CXXC5: variants seen among roughly 807,000 people sequenced by gnomAD.
CXXC5 encodes the protein CXXC-type zinc finger protein 5.
Under a neutral mutation model 17.6 loss-of-function variants are expected in CXXC5, and 2 were observed. The observed-to-expected ratio is 0.11, with a 90% CI of 0.05 to 0.36. The LOEUF (loss-of-function observed/expected upper bound fraction) is 0.36. Ranked by LOEUF, CXXC5 falls within the 10% of genes least tolerant of loss-of-function variation. The probability of loss-of-function intolerance (pLI) is 1.00; values close to 1 mark genes in which losing one functional copy is unlikely to be tolerated. For missense variants in CXXC5, 343 were observed against 458.3 expected, an observed-to-expected ratio of 0.75 and a Z score of 2.30; for synonymous variants, 171 against 193.0, an observed-to-expected ratio of 0.89 and a Z score of 0.94.
chr5:139,671,592 C>T (rs988147122), intron 1 of CXXC5, among the ~76,000 whole-genome samples: 2 of 152,234 alleles, frequency 1.3e-5, no homozygotes, highest in Non-Finnish European at 2.9e-5. Context: ...AGGCCGGAGC[C>T]GGTTTCCGTC....
chr5:139,650,430 C>A (rs1755103098), intron 1 of CXXC5, among the ~76,000 whole-genome samples: 1 of 152,222 alleles, frequency 6.6e-6, no homozygotes. Context: ...TCTTTGGAAG[C>A]GTTGGGGAGG....
At chr5:139,674,533 C>T (rs746697214) in intron 1 of CXXC5, among the ~76,000 whole-genome samples, 1 of 152,176 alleles carries the variant, frequency 6.6e-6, no homozygotes, top group Non-Finnish European at 1.5e-5. Context: ...CCTGGGCAGG[C>T]AGAATGGCTG....
At chr5:139,652,195 T>G (rs868224820) in intron 1 of CXXC5, among the ~76,000 whole-genome samples, 8 of 147,590 alleles carry the variant, frequency 5.4e-5, no homozygotes, top group African/African-American at 1.9e-4. Context: ...TGTGTGTGTG[T>G]GGCTGTGTAT....
chr5:139,682,971 G>A lies in CXXC5; in HGVS notation c.*64G>A. 3 of 1,436,390 alleles carry A rather than the reference G, an allele frequency of 2.1e-6. No individual in the cohort carries two copies. The highest frequency in any genetic ancestry group is 1.4e-5 in the South Asian group (1 of 69,552). 89.0% of individuals were successfully genotyped at this position (1,436,390 alleles called of 1,614,324 possible). ...CACTGCTCGTGTGGTCTCCAGCAAG[G>A]GATTCGGGCGAAGACAAACGGATGC... On this transcript the variant is annotated 3_prime_UTR_variant, in exon 3 of 3. Transcript: ENST00000302517.
chr5:139,655,553 C>G (rs780928617), intron 1 of CXXC5, among the ~76,000 whole-genome samples: 3 of 151,976 alleles, frequency 2.0e-5, no homozygotes, highest in Non-Finnish European at 4.4e-5. Flanking sequence ...CCCTCCTGAC[C>G]TACCTCCCCA....
At position 139,681,363 on chromosome 5, in the gene CXXC5, T is replaced by C. The variant is rs1361162105; in HGVS notation, c.840T>C (p.Ser280=). The change falls in exon 2 of 3, where the codon AGT becomes AGC. Residue 280 remains serine, a synonymous_variant. Transcript: ENST00000302517. ...GCATCAACTGCGAGCAGTGCAGCAG[T>C]TGTAGGAATCGAAAGACTGGCCATC... is the stretch of plus-strand genomic sequence containing the variant. ...RRRINCEQCS[S]CRNRKTGHQI... The C allele has an allele frequency of 1.9e-6, 3 of 1,597,304 alleles. No individual in the cohort carries two copies. Among genetic ancestry groups the C allele is most frequent in the Non-Finnish European group, 2.6e-6 (3 of 1,170,510 alleles).
At chr5:139,649,403 C>G (rs1755041327) in intron 1 of CXXC5, 3 of 152,008 alleles carry the variant, frequency 2.0e-5, no homozygotes, top group Non-Finnish European at 4.4e-5. Flanking sequence ...CGCACTCCCC[C>G]CATCAGACCC....
chr5:139,658,670 G>T lies in CXXC5; in HGVS notation c.-161+9825G>T, dbSNP rs1755619151. On this transcript the variant is annotated intron_variant, in intron 1 of 2. Coordinates refer to ENST00000302517, the MANE Select transcript of CXXC5 (RefSeq NM_016463.9). The surrounding 1 kb of genome is among the most constrained non-coding windows in gnomAD (Gnocchi z 4.1). ...GCGTGAGGAGGAAATGCAGGCTGTT[G>T]CTTCCAGCAACAGCCGGCAGGGCCG... is the stretch of plus-strand genomic sequence containing the variant. Among the ~76,000 whole-genome samples the T allele has an allele frequency of 1.3e-5, 2 of 152,224 alleles. No individual in the cohort carries two copies. The highest frequency in any genetic ancestry group is 6.5e-5 in the Admixed American group (1 of 15,288).
At chr5:139,678,185 G>A (rs892546833) in intron 1 of CXXC5, among the ~76,000 whole-genome samples, 5 of 152,230 alleles carry the variant, frequency 3.3e-5, no homozygotes, top group Non-Finnish European at 7.3e-5. Flanking sequence ...GAGCTGACTT[G>A]ACGGTTTTTG....
chr5:139,679,025 G>GC (rs1218045406), intron 1 of CXXC5, among the ~76,000 whole-genome samples: 1 of 152,220 alleles, frequency 6.6e-6, no homozygotes, highest in Non-Finnish European at 1.5e-5. Flanking sequence ...AGCAGGCCCT[G>GC]CCCCGGGATG....
In CXXC5 at chr5:139,661,733, A is replaced by G. The variant is rs1018628172; in HGVS notation, c.-161+12888A>G. Among the ~76,000 whole-genome samples, 3 of 152,248 alleles carry G rather than the reference A, an allele frequency of 2.0e-5. No individual in the cohort carries two copies. Among genetic ancestry groups the G allele is most frequent in the African/African-American group, 2.4e-5 (1 of 41,472 alleles). On this transcript the variant is annotated intron_variant, in intron 1 of 2. Coordinates refer to ENST00000302517, the MANE Select transcript of CXXC5 (RefSeq NM_016463.9). The surrounding 1 kb of genome is among the most constrained non-coding windows in gnomAD (Gnocchi z 4.7). The stretch of plus-strand genomic sequence containing the variant: ...GCTGTGGTCAGGGCTCTGTTCCCCT[A>G]GACGCCCCGTGTTTAGGCTTACACG...
intron 1 of CXXC5, among the ~76,000 whole-genome samples, chr5:139,664,442 C>G (rs908133219): frequency 6.6e-6 from 1 of 152,140 alleles, no homozygotes; most frequent in African/African-American, 2.4e-5. Context: ...AGGGACATAG[C>G]CACAATGACC....
rs1756311327 is a variant in CXXC5 at position 139,669,260 on chromosome 5, CGTAATG to C, written c.-160-11103_-160-11098del. 2.6e-5 allele frequency among the ~76,000 whole-genome samples: 4 copies of C among 152,316 alleles called. No homozygotes were observed. The South Asian group carries it at 8.3e-4, about 32-fold the overall frequency. On this transcript the variant is annotated intron_variant, in intron 1 of 2. Transcript: ENST00000302517. ...CTCACACTCAGCTCTGCCCGCCTGC[CGTAATG>C]ATTTTTTAATTATGCAGCCAGTGCT...
In CXXC5 at chr5:139,661,362, C is replaced by A. The variant is rs1365905819; in HGVS notation, c.-161+12517C>A. Among the ~76,000 whole-genome samples the A allele has an allele frequency of 6.6e-6, 1 of 152,162 alleles. No individual in the cohort carries two copies. Among genetic ancestry groups the A allele is most frequent in the Non-Finnish European group, 1.5e-5 (1 of 68,012 alleles). On this transcript the variant is annotated intron_variant, in intron 1 of 2. Coordinates refer to ENST00000302517, the MANE Select transcript of CXXC5 (RefSeq NM_016463.9). This position sits in a 1 kb window ranked among gnomAD's most constrained non-coding sequence, Gnocchi z 4.7. ...CACACGCGGCACACCCAGGCACACA[C>A]TTAGGACAGACACAGTCACTTGCAG... is the stretch of plus-strand genomic sequence containing the variant.
intron 1 of CXXC5, among the ~76,000 whole-genome samples, chr5:139,671,523 C>G (rs570620741): frequency 6.6e-6 from 1 of 152,218 alleles, no homozygotes; most frequent in African/African-American, 2.4e-5. Context: ...CGGGTTGGGG[C>G]AGGCACAAAG....
intron 1 of CXXC5, among the ~76,000 whole-genome samples, chr5:139,655,039 A>G (rs1010667931): frequency 1.3e-5 from 2 of 152,180 alleles, no homozygotes; most frequent in Non-Finnish European, 2.9e-5. Flanking sequence ...CTCCTTCCCC[A>G]GGAGGTGCCG....
chr5:139,673,446 A>C (rs1420867152), intron 1 of CXXC5, among the ~76,000 whole-genome samples: 3 of 152,200 alleles, frequency 2.0e-5, no homozygotes, highest in Non-Finnish European at 2.9e-5. Context: ...CTCAGTCCCT[A>C]GAGCCCCAGG....
chr5:139,664,670 A>G (rs1756002455), intron 1 of CXXC5, among the ~76,000 whole-genome samples: 1 of 152,164 alleles, frequency 6.6e-6, no homozygotes, highest in Non-Finnish European at 1.5e-5. Context: ...CCCCGCAGAC[A>G]GACACACTTA....
rs984716196 is a variant in CXXC5 at position 139,661,761 on chromosome 5, A to C, written c.-161+12916A>C. Among the ~76,000 whole-genome samples, 1 of 152,254 alleles carries C rather than the reference A, an allele frequency of 6.6e-6. No individual in the cohort carries two copies. The highest frequency in any genetic ancestry group is 2.4e-5 in the African/African-American group (1 of 41,472). On this transcript the variant is annotated intron_variant, in intron 1 of 2. Transcript: ENST00000302517. This position sits in a 1 kb window ranked among gnomAD's most constrained non-coding sequence, Gnocchi z 4.7. ...CGCCCCGTGTTTAGGCTTACACGGA[A>C]GAGGCCCGGCCTTCAGCCATGTTGT...
Sources: allele counts gnomAD v4.1 joint callset (sites outside exome capture counted in the v4.1 genomes callset), GRCh38; gene constraint gnomAD v4.1.1; non-coding constraint Gnocchi (gnomAD v3.1); transcripts MANE v1.5; gene names NCBI Gene and HGNC (gene_info 2026-07-23, HGNC 2026-07-21).